WNT7B: variants seen among roughly 807,000 people sequenced by gnomAD.
WNT7B encodes the protein Wnt family member 7B.
Under a neutral mutation model 38.2 loss-of-function variants are expected in WNT7B, and 19 were observed. That is an observed-to-expected ratio of 0.50 (90% CI 0.35 to 0.73). WNT7B has a LOEUF of 0.73. WNT7B is among the 30% of genes least tolerant of loss of function. The pLI, the probability that WNT7B is intolerant of heterozygous loss-of-function variation, is 0.01. For missense variants in WNT7B, 423 were observed against 507.9 expected (o/e 0.83, Z 1.61); for synonymous variants, 243 against 209.3 (o/e 1.16, Z -1.39).
intron 2 of WNT7B, among the ~76,000 whole-genome samples, chr22:45,948,144 C>T (rs1931840862): frequency 6.6e-6 from 1 of 152,238 alleles, no homozygotes; most frequent in Non-Finnish European, 1.5e-5. Flanking sequence ...CACCACAACT[C>T]CCCGGGGGCT....
At position 45,922,328 on chromosome 22, in the gene WNT7B, G is replaced by C. The variant is rs1232474400; in HGVS notation, c.*528C>G. The C allele has an allele frequency of 6.4e-6, 1 of 156,732 alleles. No individual in the cohort carries two copies. The highest frequency in any genetic ancestry group is 2.4e-5 in the African/African-American group (1 of 41,512). The allele number at this position is 156,732 out of a possible 1,614,324, so 9.7% of individuals were successfully genotyped here. A position where few individuals can be genotyped will look rare whatever the true frequency, so the allele number is the denominator to read the frequency against. The stretch of plus-strand genomic sequence containing the variant: ...CGGAGTTAGGACTGGCTATGTGTTA[G>C]TGCCGAGAATCCTCTTCTGATACTA... On this transcript the variant is annotated 3_prime_UTR_variant, in exon 4 of 4. Transcript: ENST00000339464.
chr22:45,976,293 G>A lies in WNT7B; in HGVS notation c.71+391C>T, dbSNP rs1932549623. Among the ~76,000 whole-genome samples, 1 of 148,386 alleles carries A rather than the reference G, an allele frequency of 6.7e-6. No homozygotes were observed. Among genetic ancestry groups the A allele is most frequent in the African/African-American group, 2.4e-5 (1 of 40,962 alleles). On this transcript the variant is annotated intron_variant, in intron 1 of 3. Transcript: ENST00000339464. The surrounding 1 kb of genome is among the most constrained non-coding windows in gnomAD (Gnocchi z 8.5). The stretch of plus-strand genomic sequence containing the variant: ...GCCGGACGCCCCCCGACCCCGCCCC[G>A]GCGCACCCTCCAGGCGGCGAGCGCT...
At chr22:45,943,361 C>G (rs979952060) in intron 2 of WNT7B, among the ~76,000 whole-genome samples, 2 of 152,270 alleles carry the variant, frequency 1.3e-5, no homozygotes, top group South Asian at 2.1e-4. Flanking sequence ...GCGCCCGAGG[C>G]CTTTGTTCCG....
intron 1 of WNT7B, among the ~76,000 whole-genome samples, chr22:45,957,699 A>AAAAAAAAAAAAAAAAAAAC (rs1932102350): frequency 6.7e-6 from 1 of 149,822 alleles, no homozygotes; most frequent in Non-Finnish European, 1.5e-5. Context: ...AAAAAAAAAA[A>AAAAAAAAAAAAAAAAAAAC]AAAAAAAAAA....
rs796206019 is a variant in WNT7B at position 45,934,295 on chromosome 22, G to A, written c.299-2926C>T. ...CTGAGGCTAAGGTGACCTGGGGCAG[G>A]AGGAGAGGGGGGATGTGGGCTATGC... On this transcript the variant is annotated intron_variant, in intron 2 of 3. Transcript: ENST00000339464. 4.6e-5 allele frequency among the ~76,000 whole-genome samples: 7 copies of A among 152,318 alleles called. No individual in the cohort carries two copies. In the South Asian group the frequency reaches 1.4e-3, roughly 32 times the overall value.
At chr22:45,926,455 A>G in intron 3 of WNT7B, 2 of 985,408 alleles carry the variant, frequency 2.0e-6, no homozygotes, top group Non-Finnish European at 2.4e-6. Flanking sequence ...TTCCAGAATA[A>G]GGGTGTAGCC....
chr22:45,972,915 G>A (rs975169081), intron 1 of WNT7B, among the ~76,000 whole-genome samples: 4 of 152,280 alleles, frequency 2.6e-5, no homozygotes, highest in Non-Finnish European at 5.9e-5. Flanking sequence ...GTGAGGACAG[G>A]TGTGTGTGCA....
At chr22:45,972,106 C>T (rs1932456414) in intron 1 of WNT7B, 2 of 588,330 alleles carry the variant, frequency 3.4e-6, no homozygotes, top group Admixed American at 2.9e-5. Context: ...GCGCTGGAGG[C>T]CCGGGGGGAG....
Position 45,941,527 on chromosome 22 carries a change from A to G in WNT7B, c.298+8393T>C, listed in dbSNP as rs966423677. 3.1e-3 allele frequency among the ~76,000 whole-genome samples: 474 copies of G among 151,416 alleles called. 2 individuals carry two copies. The highest frequency in any genetic ancestry group is 0.011 in the African/African-American group (454 of 41,008). ...TTTGTCTCAAAAAAAAAAAAAAAAA[A>G]AAGAGTGCAGACTCTTCTGCAGTGA... On this transcript the variant is annotated intron_variant, in intron 2 of 3. Coordinates refer to ENST00000339464, the MANE Select transcript of WNT7B (RefSeq NM_058238.3).
rs769997103 is a variant in WNT7B at position 45,923,166 on chromosome 22, C to T, written c.740G>A (p.Arg247Gln). The T allele has an allele frequency of 2.5e-6, 4 of 1,613,238 alleles. No individual in the cohort carries two copies. The highest frequency in any genetic ancestry group is 2.2e-5 in the East Asian group (1 of 44,880). Reference protein sequence around the residue: ...QVEVVRASRLRQPTFLRIKQL... With the variant: ...QVEVVRASRLQQPTFLRIKQL... Reference sequence around the variant, plus strand: ...TTTGATGCGCAGGAAGGTGGGCTGCCGCAGACGGCTGGCCCGCACCACCTC... The same window carrying T: ...TTTGATGCGCAGGAAGGTGGGCTGCTGCAGACGGCTGGCCCGCACCACCTC... Residue 247 changes from arginine (R) to glutamine (Q), a missense_variant, in exon 4 of 4, where the codon CGG (arginine) becomes CAG (glutamine). By Grantham distance (43) the Arg-to-Gln change is conservative. Coordinates refer to ENST00000339464, the MANE Select transcript of WNT7B (RefSeq NM_058238.3).
intron 1 of WNT7B, among the ~76,000 whole-genome samples, chr22:45,971,358 G>A (rs1475939972): frequency 6.6e-6 from 1 of 152,244 alleles, no homozygotes; most frequent in Admixed American, 6.5e-5. Flanking sequence ...TTTTAAGTCA[G>A]AGGCCAGAGC....
chr22:45,930,811 G>GCCCAGCTCA (rs1326652372), intron 3 of WNT7B, among the ~76,000 whole-genome samples: 2 of 152,190 alleles, frequency 1.3e-5, no homozygotes, highest in Non-Finnish European at 2.9e-5. Context: ...CCCCAGCCAA[G>GCCCAGCTCA]CCCAGCTCAC....
intron 3 of WNT7B, among the ~76,000 whole-genome samples, chr22:45,929,144 G>T (rs890420582): frequency 3.2e-4 from 49 of 152,166 alleles, no homozygotes; most frequent in Non-Finnish European, 1.0e-4. Flanking sequence ...GTTCCCACGA[G>T]GGCTCAGCCT....
intron 2 of WNT7B, among the ~76,000 whole-genome samples, chr22:45,949,659 G>C (rs866010680): frequency 6.6e-6 from 1 of 152,218 alleles, no homozygotes; most frequent in Admixed American, 6.5e-5. Flanking sequence ...CCACGGCCAC[G>C]TCACGACGAT....
At chr22:45,923,744 A>G (rs1447662014) in intron 3 of WNT7B, among the ~76,000 whole-genome samples, 2 of 152,210 alleles carry the variant, frequency 1.3e-5, no homozygotes, top group South Asian at 4.2e-4. Context: ...GTAGGTGCTT[A>G]ATAAATGCTC....
intron 1 of WNT7B, among the ~76,000 whole-genome samples, chr22:45,970,223 G>A (rs1248454143): frequency 6.6e-6 from 1 of 152,176 alleles, no homozygotes; most frequent in Non-Finnish European, 1.5e-5. Context: ...GCAAGTCAGG[G>A]ATGCAGTCTG....
chr22:45,925,669 C>T, intron 3 of WNT7B: 1 of 985,422 alleles, frequency 1.0e-6, no homozygotes, highest in Non-Finnish European at 1.2e-6. Context: ...CACTAACCTG[C>T]CCTTCAGGCC....
chr22:45,956,620 C>T (rs1385869365), intron 1 of WNT7B, among the ~76,000 whole-genome samples: 1 of 152,224 alleles, frequency 6.6e-6, no homozygotes, highest in East Asian at 1.9e-4. Context: ...AGGATACGCA[C>T]ATGGGTCTAT....
In WNT7B at chr22:45,927,723, C is replaced by G. The variant is rs189434391; in HGVS notation, c.570+3375G>C. The G allele has an allele frequency of 2.7e-5, 18 of 665,128 alleles. No homozygotes were observed. In the Admixed American group the frequency reaches 3.9e-4, roughly 14 times the overall value. The allele number at this position is 665,128 out of a possible 1,614,324, so 41.2% of individuals were successfully genotyped here. A position where few individuals can be genotyped will look rare whatever the true frequency, so the allele number is the denominator to read the frequency against. On this transcript the variant is annotated intron_variant, in intron 3 of 3. Transcript: ENST00000339464. Reference sequence around the variant, plus strand: ...CCAGCCTGGGCAACATGGTGAAGCCCCATCTCTACTAACAATACAGAAATT... The same window carrying G: ...CCAGCCTGGGCAACATGGTGAAGCCGCATCTCTACTAACAATACAGAAATT...
Sources: gnomAD v4.1 joint callset for allele counts (sites outside exome capture counted in the v4.1 genomes callset) on GRCh38, gnomAD v4.1.1 for gene constraint, Gnocchi (gnomAD v3.1) non-coding constraint, MANE v1.5 for transcripts, NCBI Gene and HGNC (gene_info 2026-07-23, HGNC 2026-07-21) for gene names.